Variants in SLC41A2 observed in about 807,000 individuals in gnomAD.
The protein encoded by SLC41A2 is SLC41A1-like 1.
In SLC41A2, 32 loss-of-function variants were observed where a neutral mutation model predicts 58.3. The ratio of observed to expected loss-of-function variants is 0.55; its 90% CI spans 0.41 to 0.74. The LOEUF (loss-of-function observed/expected upper bound fraction) is 0.74. Among genes scored for constraint, SLC41A2 ranks in the 30% least tolerant of loss-of-function variants. The pLI is 0.00. For missense variants in SLC41A2, 514 were observed against 680.6 expected (o/e 0.76, Z 2.72); for synonymous variants, 190 against 235.0 (o/e 0.81, Z 1.75).
At chr12:104,839,660 C>T (rs550711908) in intron 10 of SLC41A2, among the ~76,000 whole-genome samples, 3 of 151,968 alleles carry the variant, frequency 2.0e-5, no homozygotes, top group Non-Finnish European at 2.9e-5. Flanking sequence ...TGCACCACCA[C>T]GCCCTGCTAA....
intron 10 of SLC41A2, among the ~76,000 whole-genome samples, chr12:104,813,115 G>A (rs2041246408): frequency 1.3e-5 from 2 of 152,082 alleles, no homozygotes; most frequent in Non-Finnish European, 2.9e-5. Flanking sequence ...AGAGGTGGAG[G>A]TGGCAGTGAG....
At chr12:104,944,351 G>A (rs946228577) in intron 1 of SLC41A2, among the ~76,000 whole-genome samples, 2 of 152,058 alleles carry the variant, frequency 1.3e-5, no homozygotes, top group Non-Finnish European at 2.9e-5. Context: ...TCCCTTACTG[G>A]GACACCTTCG....
At chr12:104,933,952 A>AACC (rs2047166457) in intron 1 of SLC41A2, among the ~76,000 whole-genome samples, 1 of 151,970 alleles carries the variant, frequency 6.6e-6, no homozygotes, top group Non-Finnish European at 1.5e-5. Flanking sequence ...AAAGGACAAA[A>AACC]ACCACCTATT....
intron 3 of SLC41A2, among the ~76,000 whole-genome samples, chr12:104,904,227 T>C (rs926330536): frequency 3.3e-5 from 5 of 152,242 alleles, no homozygotes; most frequent in African/African-American, 1.2e-4. Context: ...ACTTCACTTT[T>C]CCTGCCAAAG....
chr12:104,807,989 T>C (rs2040991867), intron 10 of SLC41A2, among the ~76,000 whole-genome samples: 1 of 152,246 alleles, frequency 6.6e-6, no homozygotes, highest in African/African-American at 2.4e-5. Context: ...GTTTTCTAGA[T>C]ATACAATCAT....
At position 104,801,872 on chromosome 12, in the gene SLC41A2, G is replaced by C. The variant is rs2040722428; in HGVS notation, c.*3280C>G. Among the ~76,000 whole-genome samples, 1 of 152,074 alleles carries C rather than the reference G, an allele frequency of 6.6e-6. No homozygotes were observed. Among genetic ancestry groups the C allele is most frequent in the Non-Finnish European group, 1.5e-5 (1 of 67,990 alleles). ...ACATAAATTACCCCAGTCTCTTCTG[G>C]GAGATTTCCACACTGGCTTGATGTT... On this transcript the variant is annotated 3_prime_UTR_variant, in exon 11 of 11. Coordinates refer to ENST00000258538, the MANE Select transcript of SLC41A2 (RefSeq NM_001352171.3).
chr12:104,816,401 C>T (rs1275555174), intron 10 of SLC41A2, among the ~76,000 whole-genome samples: 1 of 152,100 alleles, frequency 6.6e-6, no homozygotes, highest in Non-Finnish European at 1.5e-5. Context: ...GAAAGGAATC[C>T]TTGGAGGCCC....
At chr12:104,833,898 C>T (rs1408544411) in intron 10 of SLC41A2, 1 of 441,682 alleles carries the variant, frequency 2.3e-6, no homozygotes, top group East Asian at 1.6e-4. Flanking sequence ...TGGTTTCACT[C>T]AGTTATAAGA....
chr12:104,921,132 T>TA (rs1366348086), intron 2 of SLC41A2, among the ~76,000 whole-genome samples: 2 of 151,714 alleles, frequency 1.3e-5, no homozygotes, highest in Middle Eastern at 3.2e-3. Context: ...CTACAAGCTA[T>TA]AAAAAACTAC....
At chr12:104,818,290 A>AT (rs1236219982) in intron 10 of SLC41A2, among the ~76,000 whole-genome samples, 2 of 152,194 alleles carry the variant, frequency 1.3e-5, no homozygotes, top group Non-Finnish European at 1.5e-5. Context: ...TAAGTATCAT[A>AT]TTTTTAAAGA....
chr12:104,812,216 A>G (rs1244773664), intron 10 of SLC41A2, among the ~76,000 whole-genome samples: 1 of 152,204 alleles, frequency 6.6e-6, no homozygotes, highest in Non-Finnish European at 1.5e-5. Flanking sequence ...TAAAGCATCC[A>G]GTGAACAGCC....
At chr12:104,893,444 G>A (rs1162324188) in intron 4 of SLC41A2, among the ~76,000 whole-genome samples, 4 of 152,140 alleles carry the variant, frequency 2.6e-5, no homozygotes, top group Non-Finnish European at 4.4e-5. Flanking sequence ...GGAACAGTTC[G>A]GAAGTTCCTC....
intron 6 of SLC41A2, among the ~76,000 whole-genome samples, chr12:104,873,198 C>A (rs1388590610): frequency 6.6e-6 from 1 of 152,088 alleles, no homozygotes; most frequent in African/African-American, 2.4e-5. Context: ...TAACCCCCAT[C>A]CCCCGTAACT....
chr12:104,872,746 A>AT (rs2043849618), intron 6 of SLC41A2, among the ~76,000 whole-genome samples: 2 of 152,226 alleles, frequency 1.3e-5, no homozygotes. Flanking sequence ...AAGAAAAAAA[A>AT]GAAAAGTAGC....
At chr12:104,864,226 CTTAAT>C (rs2043329063) in intron 7 of SLC41A2, among the ~76,000 whole-genome samples, 1 of 152,166 alleles carries the variant, frequency 6.6e-6, no homozygotes, top group Non-Finnish European at 1.5e-5. Context: ...TATCATCTTT[CTTAAT>C]TTGTTTCCTA....
chr12:104,910,314 AG>A (rs1414093098), intron 2 of SLC41A2, among the ~76,000 whole-genome samples: 5 of 152,154 alleles, frequency 3.3e-5, no homozygotes, highest in African/African-American at 1.2e-4. Flanking sequence ...TTAAGGTGTG[AG>A]GCAGAGAGGT....
intron 2 of SLC41A2, among the ~76,000 whole-genome samples, chr12:104,914,736 C>G (rs1158146640): frequency 4.6e-5 from 7 of 152,206 alleles, no homozygotes; most frequent in Non-Finnish European, 8.8e-5. Flanking sequence ...CTACTACTTA[C>G]TGTGTGATTT....
intron 3 of SLC41A2, among the ~76,000 whole-genome samples, chr12:104,897,496 A>T (rs1353173796): frequency 6.6e-6 from 1 of 151,968 alleles, no homozygotes; most frequent in Non-Finnish European, 1.5e-5. Context: ...CTAGGGTGGT[A>T]CTAATCAATT....
intron 1 of SLC41A2, among the ~76,000 whole-genome samples, chr12:104,941,046 G>A (rs966195979): frequency 1.3e-5 from 2 of 151,954 alleles, no homozygotes; most frequent in African/African-American, 2.4e-5. Context: ...GTTTCATTTA[G>A]GGAACAGAGA....
Sources: allele counts gnomAD v4.1 joint callset (sites outside exome capture counted in the v4.1 genomes callset), GRCh38; gene constraint gnomAD v4.1.1; transcripts MANE v1.5; gene names NCBI Gene and HGNC (gene_info 2026-07-23, HGNC 2026-07-21).